ERBB4: variants seen among roughly 807,000 people sequenced by gnomAD.
The protein encoded by ERBB4 is receptor tyrosine-protein kinase erbB-4.
ERBB4 carries 42 observed loss-of-function variants against 158.0 expected under a neutral mutation model. The ratio of observed to expected loss-of-function variants is 0.27; its 90% CI spans 0.21 to 0.34. The LOEUF is 0.34. ERBB4 is among the 10% of genes least tolerant of loss of function. The probability of loss-of-function intolerance (pLI) is 1.00; values close to 1 mark genes in which losing one functional copy is unlikely to be tolerated. For missense variants in ERBB4, 1,333 were observed against 1,624.1 expected, an observed-to-expected ratio of 0.82 and a Z score of 3.08; for synonymous variants, 583 against 558.7, an observed-to-expected ratio of 1.04 and a Z score of -0.61.
chr2:211,800,656 C>A (rs376560590), intron 3 of ERBB4, among the ~76,000 whole-genome samples: 1 of 112,752 alleles, frequency 8.9e-6, no homozygotes. Context: ...AAAAACTGTG[C>A]GTTAAAAAAA....
intron 1 of ERBB4, among the ~76,000 whole-genome samples, chr2:212,529,457 G>C (rs1049497868): frequency 6.6e-6 from 1 of 152,114 alleles, no homozygotes; most frequent in Non-Finnish European, 1.5e-5. Flanking sequence ...AATACCCTAG[G>C]AAGCTCAAGA....
At chr2:211,651,787 A>G (rs910950941) in intron 16 of ERBB4, among the ~76,000 whole-genome samples, 2 of 152,150 alleles carry the variant, frequency 1.3e-5, no homozygotes, top group Non-Finnish European at 2.9e-5. Context: ...CTACAACTTC[A>G]AGGAACTTGG....
intron 2 of ERBB4, chr2:211,960,642 G>A (rs895775308): frequency 2.6e-5 from 4 of 152,088 alleles, no homozygotes; most frequent in Non-Finnish European, 4.4e-5. Context: ...CCAATATCAA[G>A]GTGTCAGCAA....
At chr2:211,586,314 T>C (rs1335413762) in intron 19 of ERBB4, among the ~76,000 whole-genome samples, 3 of 152,092 alleles carry the variant, frequency 2.0e-5, no homozygotes, top group Non-Finnish European at 4.4e-5. Context: ...AGAGTATATA[T>C]ATAGAACTTA....
chr2:212,369,074 A>G (rs1179524723), intron 1 of ERBB4, among the ~76,000 whole-genome samples: 1 of 152,184 alleles, frequency 6.6e-6, no homozygotes, highest in Non-Finnish European at 1.5e-5. Flanking sequence ...AAGGTTGCAA[A>G]AAGTGGCAAG....
At chr2:211,627,732 G>A (rs2069917473) in intron 17 of ERBB4, among the ~76,000 whole-genome samples, 1 of 152,160 alleles carries the variant, frequency 6.6e-6, no homozygotes, top group Non-Finnish European at 1.5e-5. Flanking sequence ...ACTGTGAATT[G>A]TTTAGATAGG....
intron 23 of ERBB4, among the ~76,000 whole-genome samples, chr2:211,422,921 A>C (rs2063543989): frequency 6.6e-6 from 1 of 151,856 alleles, no homozygotes; most frequent in African/African-American, 2.4e-5. Context: ...TGTCTACCAA[A>C]CAATATTTAA....
intron 19 of ERBB4, among the ~76,000 whole-genome samples, chr2:211,590,583 C>A (rs565468703): frequency 5.3e-5 from 8 of 152,220 alleles, no homozygotes; most frequent in African/African-American, 1.4e-4. Context: ...ACGATTTCAC[C>A]TTCGACCCAA....
intron 17 of ERBB4, among the ~76,000 whole-genome samples, chr2:211,628,612 T>C (rs972555205): frequency 9.9e-5 from 15 of 152,206 alleles, no homozygotes; most frequent in Non-Finnish European, 1.8e-4. Flanking sequence ...CTATTGTGAA[T>C]AGTGCCGCAA....
intron 3 of ERBB4, among the ~76,000 whole-genome samples, chr2:211,899,649 ACAGGT>A (rs1344598678): frequency 6.6e-6 from 1 of 152,160 alleles, no homozygotes; most frequent in African/African-American, 2.4e-5. Context: ...ATTGTGATTT[ACAGGT>A]TATAGAATAA....
intron 1 of ERBB4, among the ~76,000 whole-genome samples, chr2:212,319,282 C>T (rs1438162086): frequency 7.2e-6 from 1 of 138,354 alleles, no homozygotes; most frequent in African/African-American, 2.5e-5. Context: ...ATACACCCAC[C>T]TCCTTCCCGC....
chr2:211,547,433 T>C (rs1396401822), intron 20 of ERBB4, among the ~76,000 whole-genome samples: 1 of 152,120 alleles, frequency 6.6e-6, no homozygotes, highest in Non-Finnish European at 1.5e-5. Context: ...TCCAGATTAC[T>C]ATAAACATCT....
chr2:212,508,760 C>G (rs1384290), intron 1 of ERBB4, among the ~76,000 whole-genome samples: 1 of 152,096 alleles, frequency 6.6e-6, no homozygotes, highest in Middle Eastern at 3.4e-3. Context: ...TTCTAAAAGA[C>G]TCTTAATAAT....
At chr2:212,134,676 C>CTTTTT (rs869141215) in intron 1 of ERBB4, among the ~76,000 whole-genome samples, 246 of 69,034 alleles carry the variant, frequency 3.6e-3, no homozygotes, top group East Asian at 8.3e-3. Flanking sequence ...TAAACACTTT[C>CTTTTT]TTTTTTTTTT....
At chr2:211,576,637 C>T (rs2067901380) in intron 19 of ERBB4, among the ~76,000 whole-genome samples, 1 of 152,014 alleles carries the variant, frequency 6.6e-6, no homozygotes, top group African/African-American at 2.4e-5. Context: ...TATACATTCA[C>T]AAGGGTACAA....
chr2:211,513,337 G>A (rs2065929925), intron 20 of ERBB4, among the ~76,000 whole-genome samples: 1 of 122,306 alleles, frequency 8.2e-6, no homozygotes, highest in Non-Finnish European at 1.6e-5. Flanking sequence ...CGGCCTGGGC[G>A]ACAGAGCGAG....
At chr2:211,559,355 T>C (rs996647968) in intron 20 of ERBB4, among the ~76,000 whole-genome samples, 14 of 152,224 alleles carry the variant, frequency 9.2e-5, no homozygotes, top group Non-Finnish European at 1.8e-4. Context: ...CATGTTAAAA[T>C]ACTTCAGTAA....
rs540128437 is a variant in ERBB4 at position 212,530,144 on chromosome 2, GGAA to G, written c.82+8302_82+8304del. Among the ~76,000 whole-genome samples, 28 of 151,494 alleles carry G rather than the reference GGAA, an allele frequency of 1.8e-4. 1 individual carries two copies. Among genetic ancestry groups the G allele is most frequent in the Admixed American group, 1.4e-3 (21 of 15,224 alleles). On this transcript the variant is annotated intron_variant, in intron 1 of 27. Transcript: ENST00000342788. ...GGAGATTTTAGAGGTTTGAGGACGT[GGAA>G]GAAGAAGAATACCCATAAAGAGGAT...
chr2:211,468,051 A>G (rs1574547744), intron 20 of ERBB4, among the ~76,000 whole-genome samples: 1 of 152,164 alleles, frequency 6.6e-6, no homozygotes, highest in Non-Finnish European at 1.5e-5. Context: ...AAGTGGATGG[A>G]TTATATAAAA....
Sources: allele counts gnomAD v4.1 joint callset (sites outside exome capture counted in the v4.1 genomes callset), GRCh38; gene constraint gnomAD v4.1.1; transcripts MANE v1.5; gene names NCBI Gene and HGNC (gene_info 2026-07-23, HGNC 2026-07-21).